LHFPL6: variants seen among roughly 807,000 people sequenced by gnomAD.
LHFPL6 encodes LHFPL tetraspan subfamily member 6.
A neutral mutation model predicts 20.6 loss-of-function variants in LHFPL6; 9 were observed. That is an observed-to-expected ratio of 0.44 (90% CI 0.26 to 0.76). The LOEUF is 0.76. Among genes scored for constraint, LHFPL6 ranks in the 30% least tolerant of loss-of-function variants. The pLI is 0.20. For synonymous variants in LHFPL6, 105 were observed against 98.7 expected, an observed-to-expected ratio of 1.06 and a Z score of -0.38; for missense variants, 218 against 253.5, an observed-to-expected ratio of 0.86 and a Z score of 0.95.
chr13:39,451,604 A>T (rs563183765), intron 2 of LHFPL6, among the ~76,000 whole-genome samples: 1 of 152,214 alleles, frequency 6.6e-6, no homozygotes, highest in African/African-American at 2.4e-5. Context: ...TTAAAGTAGT[A>T]TGTTTAGAAA....
At chr13:39,453,985 G>A (rs1341001121) in intron 2 of LHFPL6, among the ~76,000 whole-genome samples, 1 of 150,762 alleles carries the variant, frequency 6.6e-6, no homozygotes, top group African/African-American at 2.4e-5. Flanking sequence ...GATACACTTC[G>A]ATTGAGTTCT....
chr13:39,599,201 A>C (rs1241231307), intron 2 of LHFPL6, among the ~76,000 whole-genome samples: 1 of 152,232 alleles, frequency 6.6e-6, no homozygotes, highest in Non-Finnish European at 1.5e-5. Flanking sequence ...CCTGCCCTAA[A>C]ATGAAGGAAA....
intron 2 of LHFPL6, among the ~76,000 whole-genome samples, chr13:39,555,524 C>T (rs553580352): frequency 2.0e-5 from 3 of 152,248 alleles, no homozygotes; most frequent in African/African-American, 7.2e-5. Context: ...TCACTATTTC[C>T]TCATCTGTAA....
intron 2 of LHFPL6, among the ~76,000 whole-genome samples, chr13:39,500,991 C>G (rs1009835577): frequency 2.6e-5 from 4 of 152,168 alleles, no homozygotes; most frequent in African/African-American, 9.7e-5. Flanking sequence ...TGGGGCGTGA[C>G]AATGTGAATT....
intron 3 of LHFPL6, among the ~76,000 whole-genome samples, chr13:39,344,442 T>C (rs1869336550): frequency 6.6e-6 from 1 of 152,208 alleles, no homozygotes; most frequent in Non-Finnish European, 1.5e-5. Context: ...GTTGATGCAA[T>C]CCTTCTGCAA....
At position 39,581,398 on chromosome 13, in the gene LHFPL6, ACAGCC is replaced by A. The variant is rs1872277611; in HGVS notation, c.385+19429_385+19433del. ...AACCTACTGAGCACCAAGGGCACAG[ACAGCC>A]AAATTGAATTTTAAATGTTTCCTAC... is the stretch of plus-strand genomic sequence containing the variant. On this transcript the variant is annotated intron_variant, in intron 2 of 3. Transcript: ENST00000379589. Among the ~76,000 whole-genome samples, 4 of 152,216 alleles carry A rather than the reference ACAGCC, an allele frequency of 2.6e-5. No homozygotes were observed. The South Asian group carries it at 6.2e-4, about 24-fold the overall frequency.
intron 3 of LHFPL6, among the ~76,000 whole-genome samples, chr13:39,368,513 TG>T (rs200765968): frequency 0.015 from 2,261 of 152,208 alleles, 25 homozygotes; most frequent in South Asian, 0.067. Flanking sequence ...ACCTGAAAGG[TG>T]GAGGTTGCAG....
rs74044041 is a variant in LHFPL6 at position 39,381,727 on chromosome 13, G to T, written c.386-3201C>A. Among the ~76,000 whole-genome samples the T allele has an allele frequency of 6.5e-3, 991 of 151,472 alleles. 7 individuals are homozygous for T. Among genetic ancestry groups the T allele is most frequent in the African/African-American group, 0.023 (961 of 41,130 alleles). ...ATTAAATTTAACAGAGTTTAATTGA[G>T]TAAGGGTTAAAAAAAATTCACAAAT... On this transcript the variant is annotated intron_variant, in intron 2 of 3. Transcript: ENST00000379589.
At chr13:39,507,452 C>CT (rs1253464883) in intron 2 of LHFPL6, among the ~76,000 whole-genome samples, 2 of 152,194 alleles carry the variant, frequency 1.3e-5, no homozygotes, top group Admixed American at 1.3e-4. Flanking sequence ...TCTCAAAGGA[C>CT]TGCAGGCATT....
intron 2 of LHFPL6, among the ~76,000 whole-genome samples, chr13:39,574,838 G>A (rs545042448): frequency 2.6e-5 from 4 of 152,140 alleles, no homozygotes; most frequent in African/African-American, 4.8e-5. Context: ...TTGGGAGGCC[G>A]AGATGGGTGG....
At chr13:39,476,968 G>A (rs1486169604) in intron 2 of LHFPL6, among the ~76,000 whole-genome samples, 1 of 152,184 alleles carries the variant, frequency 6.6e-6, no homozygotes, top group East Asian at 1.9e-4. Context: ...TTGATCAGCT[G>A]TTGACAATAT....
intron 2 of LHFPL6, among the ~76,000 whole-genome samples, chr13:39,552,311 C>T (rs1593359940): frequency 6.6e-6 from 1 of 152,106 alleles, no homozygotes; most frequent in East Asian, 1.9e-4. Context: ...ACACACACAA[C>T]CATATTCAAA....
At chr13:39,582,406 T>C (rs184603720) in intron 2 of LHFPL6, among the ~76,000 whole-genome samples, 49 of 152,240 alleles carry the variant, frequency 3.2e-4, no homozygotes, top group Admixed American at 2.6e-3. Flanking sequence ...CTGGGGTATT[T>C]GGAGGGTAAG....
At chr13:39,559,454 T>C (rs1871404714) in intron 2 of LHFPL6, among the ~76,000 whole-genome samples, 1 of 152,174 alleles carries the variant, frequency 6.6e-6, no homozygotes. Flanking sequence ...GAGTCAGAAT[T>C]GACTAATTAA....
chr13:39,484,623 G>A (rs1320559992), intron 2 of LHFPL6, among the ~76,000 whole-genome samples: 1 of 152,086 alleles, frequency 6.6e-6, no homozygotes, highest in African/African-American at 2.4e-5. Context: ...CCATTAATGA[G>A]AAATCCCTCA....
intron 2 of LHFPL6, among the ~76,000 whole-genome samples, chr13:39,494,712 G>T (rs1869040120): frequency 6.6e-6 from 1 of 152,120 alleles, no homozygotes; most frequent in Non-Finnish European, 1.5e-5. Context: ...CTTCACTAGG[G>T]TATTTAACTG....
At chr13:39,575,589 C>T (rs1872089257) in intron 2 of LHFPL6, among the ~76,000 whole-genome samples, 1 of 152,100 alleles carries the variant, frequency 6.6e-6, no homozygotes, top group Non-Finnish European at 1.5e-5. Flanking sequence ...AAAGCCCTAG[C>T]TTTTAGTAAC....
chr13:39,493,280 C>A (rs1868989589), intron 2 of LHFPL6, among the ~76,000 whole-genome samples: 1 of 144,454 alleles, frequency 6.9e-6, no homozygotes. Flanking sequence ...ACCAGCCTGG[C>A]CAACATGATG....
chr13:39,541,586 A>T (rs1450952394), intron 2 of LHFPL6, among the ~76,000 whole-genome samples: 1 of 152,158 alleles, frequency 6.6e-6, no homozygotes, highest in Non-Finnish European at 1.5e-5. Flanking sequence ...AGACTTTACT[A>T]ATTACTCCAG....
Sources: gnomAD v4.1 joint callset for allele counts (sites outside exome capture counted in the v4.1 genomes callset) on GRCh38, gnomAD v4.1.1 for gene constraint, MANE v1.5 for transcripts, NCBI Gene and HGNC (gene_info 2026-07-23, HGNC 2026-07-21) for gene names.